The following PCDHA5 variants were observed in gnomAD, a reference collection of about 807,000 sequenced individuals.
The protein encoded by PCDHA5 is protocadherin alpha-5.
PCDHA5 carries 43 observed loss-of-function variants against 61.6 expected under a neutral mutation model. The ratio of observed to expected loss-of-function variants is 0.70; its 90% confidence interval spans 0.55 to 0.90. PCDHA5 has a LOEUF of 0.90. Among genes scored for constraint, PCDHA5 ranks in the 40% least tolerant of loss-of-function variants. The pLI, the probability that PCDHA5 is intolerant of heterozygous loss-of-function variation, is 0.00. For missense variants in PCDHA5, 1,298 were observed against 1,222.7 expected, an observed-to-expected ratio of 1.06 and a Z score of -0.92; for synonymous variants, 627 against 543.9, an observed-to-expected ratio of 1.15 and a Z score of -2.13.
chr5:140,853,203 G>A lies in PCDHA5; in HGVS notation c.2352+29076G>A. The A allele has an allele frequency of 3.1e-6, 3 of 982,590 alleles. 1 individual carries two copies. 60.9% of individuals were successfully genotyped at this position (982,590 alleles called of 1,614,324 possible). A position where few individuals can be genotyped will look rare whatever the true frequency, so the allele number is the denominator to read the frequency against. The stretch of plus-strand genomic sequence containing the variant: ...CTAAAATGTGTTCTTTATTATTGAC[G>A]GCTGTATTGATGGGATTGGTAATTT... On this transcript the variant is annotated intron_variant, in intron 1 of 3. Coordinates refer to ENST00000529859, the MANE Select transcript of PCDHA5 (RefSeq NM_018908.3).
At chr5:140,964,609 T>A (rs2095843840) in intron 1 of PCDHA5, among the ~76,000 whole-genome samples, 1 of 152,062 alleles carries the variant, frequency 6.6e-6, no homozygotes, top group Non-Finnish European at 1.5e-5. Context: ...AACTTACAAC[T>A]TGATTCCACT....
chr5:141,000,387 C>CTA (rs2097910380), intron 3 of PCDHA5, among the ~76,000 whole-genome samples: 5 of 66,898 alleles, frequency 7.5e-5, no homozygotes, highest in Non-Finnish European at 1.1e-4. Context: ...CTCTCTCTCT[C>CTA]TCTCTCTCTA....
At chr5:140,828,670 G>A in intron 1 of PCDHA5, 1 of 1,614,164 alleles carries the variant, frequency 6.2e-7, no homozygotes, top group Non-Finnish European at 8.5e-7. Flanking sequence ...AACAAATTGG[G>A]CTCTTATTAA....
intron 3 of PCDHA5, among the ~76,000 whole-genome samples, chr5:140,982,814 A>G (rs1166333981): frequency 6.6e-6 from 1 of 151,580 alleles, no homozygotes; most frequent in Non-Finnish European, 1.5e-5. Context: ...TGTGTGTATG[A>G]AGTTTTTGGG....
rs2055991111 is a variant in PCDHA5 at position 140,875,957 on chromosome 5, T to C, written c.2352+51830T>C. 1.1e-5 allele frequency: 17 copies of C among 1,614,050 alleles called. No individual in the cohort carries two copies. The highest frequency in any genetic ancestry group is 1.4e-5 in the Non-Finnish European group (16 of 1,180,000). ...CTAGAGGGCGCTTCTGATGCGGATA[T>C]CGGCGTAAACTCTCTTTTGACCTAT... On this transcript the variant is annotated intron_variant, in intron 1 of 3. Coordinates refer to ENST00000529859, the MANE Select transcript of PCDHA5 (RefSeq NM_018908.3).
chr5:140,840,878 T>A (rs1554137939), intron 1 of PCDHA5, among the ~76,000 whole-genome samples: 1 of 152,022 alleles, frequency 6.6e-6, no homozygotes, highest in African/African-American at 2.4e-5. Flanking sequence ...ACAGTTTACA[T>A]TTCTGATATC....
At position 140,835,886 on chromosome 5, in the gene PCDHA5, G is replaced by T. The variant is rs1183512745; in HGVS notation, c.2352+11759G>T. On this transcript the variant is annotated intron_variant, in intron 1 of 3. Coordinates refer to ENST00000529859, the MANE Select transcript of PCDHA5 (RefSeq NM_018908.3). Reference sequence around the variant, plus strand: ...CGCTGGTGGAGCTGCGGGTGGGCGAGCGCGCGCTGTCGAGCTACGTGTCAG... The same window carrying T: ...CGCTGGTGGAGCTGCGGGTGGGCGATCGCGCGCTGTCGAGCTACGTGTCAG... 1 of 1,611,834 alleles carries T rather than the reference G, an allele frequency of 6.2e-7. No homozygotes were observed. Among genetic ancestry groups the T allele is most frequent in the Admixed American group, 1.7e-5 (1 of 59,978 alleles).
At chr5:140,959,688 T>G (rs1000595466) in intron 1 of PCDHA5, among the ~76,000 whole-genome samples, 20 of 152,318 alleles carry the variant, frequency 1.3e-4, no homozygotes, top group African/African-American at 4.8e-4. Flanking sequence ...ATAATTTCAA[T>G]AAAATGAGCT....
At chr5:140,908,142 A>G (rs1371459142) in intron 1 of PCDHA5, among the ~76,000 whole-genome samples, 1 of 152,158 alleles carries the variant, frequency 6.6e-6, no homozygotes, top group Non-Finnish European at 1.5e-5. Flanking sequence ...TCCTTCAGGT[A>G]TGTCCTAGGA....
At chr5:141,005,228 C>G (rs974482410) in intron 3 of PCDHA5, among the ~76,000 whole-genome samples, 11 of 152,182 alleles carry the variant, frequency 7.2e-5, no homozygotes, top group Admixed American at 2.0e-4. Flanking sequence ...TACTAAACAC[C>G]TGTTATGGGC....
chr5:140,926,538 G>A (rs155362), intron 1 of PCDHA5: 1 of 210,368 alleles, frequency 4.8e-6, no homozygotes, highest in Admixed American at 5.9e-5. Flanking sequence ...CAGCCAGCGT[G>A]GTGGTCGAGA....
At chr5:140,891,972 T>C (rs1273277446) in intron 1 of PCDHA5, among the ~76,000 whole-genome samples, 1 of 152,222 alleles carries the variant, frequency 6.6e-6, no homozygotes, top group African/African-American at 2.4e-5. Flanking sequence ...TAAATTTCCG[T>C]TCTCATAAAT....
intron 2 of PCDHA5, among the ~76,000 whole-genome samples, chr5:140,979,327 C>T (rs1446940311): frequency 5.9e-5 from 9 of 152,078 alleles, no homozygotes; most frequent in African/African-American, 2.2e-4. Context: ...CTTTCTTTTC[C>T]TCCTTTAAAA....
chr5:140,834,408 C>T, intron 1 of PCDHA5: 1 of 1,610,114 alleles, frequency 6.2e-7, no homozygotes, highest in Non-Finnish European at 8.5e-7. Flanking sequence ...TGGATACGAC[C>T]CAGGGGGCCG....
At chr5:140,834,257 C>T (rs1276678217) in intron 1 of PCDHA5, 5 of 948,154 alleles carry the variant, frequency 5.3e-6, no homozygotes, top group African/African-American at 1.6e-5. Context: ...GAAAGACGCT[C>T]CACTCTCTTT....
At chr5:140,967,150 C>G (rs1400431511) in intron 1 of PCDHA5, 1 of 1,610,886 alleles carries the variant, frequency 6.2e-7, no homozygotes, top group African/African-American at 1.3e-5. Context: ...CGCACAACCC[C>G]GTGGCGGTGA....
At chr5:140,828,434 C>T in intron 1 of PCDHA5, 3 of 1,614,258 alleles carry the variant, frequency 1.9e-6, no homozygotes, top group South Asian at 2.2e-5. Context: ...CAGGCCGCTG[C>T]AGGTTTTCCA....
intron 1 of PCDHA5, among the ~76,000 whole-genome samples, chr5:140,948,886 T>C (rs892848820): frequency 6.6e-6 from 1 of 151,684 alleles, no homozygotes; most frequent in Non-Finnish European, 1.5e-5. Context: ...TGCTCTCTTT[T>C]AGATTTTAAG....
At chr5:140,850,122 C>T in intron 1 of PCDHA5, 2 of 1,595,914 alleles carry the variant, frequency 1.3e-6, no homozygotes, top group Non-Finnish European at 1.7e-6. Context: ...CGCGGGCGTG[C>T]CGCCTCTGGG....
Sources: gnomAD v4.1 joint callset for allele counts (sites outside exome capture counted in the v4.1 genomes callset) on GRCh38, gnomAD v4.1.1 for gene constraint, MANE v1.5 for transcripts, NCBI Gene and HGNC (gene_info 2026-07-23, HGNC 2026-07-21) for gene names.